The following RNLS variants were observed in gnomAD, a reference collection of about 807,000 sequenced individuals.
RNLS encodes the protein renalase.
A neutral mutation model predicts 39.8 loss-of-function variants in RNLS; 39 were observed. The observed-to-expected ratio is 0.98, with a 90% confidence interval of 0.76 to 1.28. The LOEUF is 1.28. Ranked by LOEUF, RNLS falls within the 50% of genes most tolerant of loss-of-function variation. The pLI is 0.00. For synonymous variants in RNLS, 147 were observed against 150.7 expected (o/e 0.98, Z 0.18); for missense variants, 410 against 413.3 (o/e 0.99, Z 0.07).
At chr10:88,356,169 TGAGGCGATG>T (rs1444795596) in intron 5 of RNLS, among the ~76,000 whole-genome samples, 2 of 152,202 alleles carry the variant, frequency 1.3e-5, no homozygotes, top group African/African-American at 2.4e-5. Flanking sequence ...GCTTCCCACG[TGAGGCGATG>T]CCTCTCCCTG....
intron 4 of RNLS, among the ~76,000 whole-genome samples, chr10:88,404,015 G>C (rs1406200791): frequency 1.3e-5 from 2 of 152,032 alleles, no homozygotes; most frequent in African/African-American, 4.8e-5. Context: ...ATGAACTCCA[G>C]CCTCGGCAAC....
chr10:88,244,337 G>T, the RNLS span, among the ~76,000 whole-genome samples: 1 of 152,178 alleles, frequency 6.6e-6, no homozygotes, highest in South Asian at 2.1e-4. Context: ...GTCAGCCGAT[G>T]GTGTGACAGG....
chr10:88,197,490 G>A, the RNLS span, among the ~76,000 whole-genome samples: 2 of 152,098 alleles, frequency 1.3e-5, no homozygotes, highest in Non-Finnish European at 2.9e-5. Context: ...TCAAGCAGTG[G>A]TTAGATGGTG....
intron 5 of RNLS, among the ~76,000 whole-genome samples, chr10:88,352,249 GGT>G (rs763153295): frequency 2.0e-5 from 3 of 152,146 alleles, no homozygotes; most frequent in Non-Finnish European, 4.4e-5. Context: ...GAATAGGAGT[GGT>G]GAGAGAGGGC....
downstream of RNLS, among the ~76,000 whole-genome samples, chr10:88,271,646 G>C (rs1177493488): frequency 6.6e-6 from 1 of 152,172 alleles, no homozygotes; most frequent in Non-Finnish European, 1.5e-5. Context: ...TTTTCAGCTT[G>C]TCTTATGTGG....
At chr10:88,274,816 C>A (rs1440065335) in exon 7 of RNLS, 9 of 604,622 alleles carry the variant, frequency 1.5e-5, no homozygotes, top group African/African-American at 5.6e-5. Context: ...CGGCACTGCA[C>A]AAGGGAATCC....
the RNLS span, among the ~76,000 whole-genome samples, chr10:88,245,774 A>T: frequency 7.9e-5 from 12 of 152,194 alleles, no homozygotes; most frequent in Admixed American, 3.9e-4. Context: ...ATATGCCAGA[A>T]AAGCATTAAA....
the RNLS span, among the ~76,000 whole-genome samples, chr10:88,211,791 A>T: frequency 2.0e-5 from 3 of 152,160 alleles, no homozygotes; most frequent in South Asian, 6.2e-4. Context: ...AAGGTCAATG[A>T]AGGACTGCTG....
chr10:88,172,842 G>GTTTTTTTTTTTTTTTTTTTTTTT, the RNLS span, among the ~76,000 whole-genome samples: 66 of 43,776 alleles, frequency 1.5e-3, 28 homozygotes, highest in South Asian at 3.6e-3. Context: ...ATTTTGAGTT[G>GTTTTTTTTTTTTTTTTTTTTTTT]TTTTTTTTTT....
intron 4 of RNLS, among the ~76,000 whole-genome samples, chr10:88,434,583 G>A (rs1855345117): frequency 6.6e-6 from 1 of 152,088 alleles, no homozygotes; most frequent in African/African-American, 2.4e-5. Context: ...TCAATAAACT[G>A]GGATAACAGT....
intron 4 of RNLS, among the ~76,000 whole-genome samples, chr10:88,374,937 C>A (rs1295652299): frequency 1.3e-5 from 2 of 152,236 alleles, no homozygotes; most frequent in South Asian, 2.1e-4. Context: ...CTACTCCCTA[C>A]TATAACCACA....
intron 5 of RNLS, among the ~76,000 whole-genome samples, chr10:88,351,512 T>A (rs1259443809): frequency 2.6e-5 from 4 of 152,234 alleles, no homozygotes; most frequent in African/African-American, 7.2e-5. Context: ...CTTGTCTTTG[T>A]CAGGTTTGTC....
intron 4 of RNLS, among the ~76,000 whole-genome samples, chr10:88,558,395 A>T (rs1194639182): frequency 2.6e-5 from 4 of 152,222 alleles, no homozygotes. Context: ...TAACATAAGT[A>T]TTCACAAAAT....
intron 4 of RNLS, among the ~76,000 whole-genome samples, chr10:88,371,438 G>C (rs1000565304): frequency 6.6e-6 from 1 of 152,076 alleles, no homozygotes. Context: ...TTTCAGAGTA[G>C]AGAATAAAAA....
the RNLS span, among the ~76,000 whole-genome samples, chr10:88,233,048 C>T: frequency 2.2e-4 from 33 of 152,216 alleles, no homozygotes; most frequent in Non-Finnish European, 4.0e-4. Flanking sequence ...CCTGATGTTT[C>T]GCAGGAGGAA....
At chr10:88,365,082 AG>A (rs1849951104) in intron 4 of RNLS, among the ~76,000 whole-genome samples, 1 of 152,046 alleles carries the variant, frequency 6.6e-6, no homozygotes, top group African/African-American at 2.4e-5. Context: ...CCCACTAGGT[AG>A]CCCTTTGAAA....
At chr10:88,187,236 A>G in the RNLS span, among the ~76,000 whole-genome samples, 2 of 146,268 alleles carry the variant, frequency 1.4e-5, no homozygotes, top group Non-Finnish European at 3.0e-5. Flanking sequence ...TGTGCATCCC[A>G]TGAAGGTAAA....
At chr10:88,555,115 G>A (rs531051220) in intron 4 of RNLS, among the ~76,000 whole-genome samples, 54 of 151,926 alleles carry the variant, frequency 3.6e-4, no homozygotes, top group Admixed American at 1.6e-3. Context: ...GAATTTCATG[G>A]AGAGGGGAGG....
chr10:88,577,059 A>G (rs961624741), intron 3 of RNLS, among the ~76,000 whole-genome samples: 2 of 152,182 alleles, frequency 1.3e-5, no homozygotes, highest in African/African-American at 4.8e-5. Context: ...GACCTGGCCC[A>G]TCATTTTCCA....
Sources: allele counts gnomAD v4.1 joint callset (sites outside exome capture counted in the v4.1 genomes callset), GRCh38; gene constraint gnomAD v4.1.1; transcripts MANE v1.5; gene names NCBI Gene and HGNC (gene_info 2026-07-23, HGNC 2026-07-21).